Variants in TMEM253 observed in about 807,000 individuals in gnomAD.
TMEM253 encodes the protein transmembrane protein C14orf176.
In TMEM253, 22 loss-of-function variants were observed where a neutral mutation model predicts 20.3. That is an observed-to-expected ratio of 1.08 (90% CI 0.78 to 1.55). TMEM253 has a LOEUF of 1.55. Among genes scored for constraint, TMEM253 ranks in the 40% most tolerant of loss-of-function variants. The pLI, the probability that TMEM253 is intolerant of heterozygous loss-of-function variation, is 0.00. For synonymous variants in TMEM253, 92 were observed against 102.6 expected (o/e 0.90, Z 0.62); for missense variants, 251 against 266.1 (o/e 0.94, Z 0.39).
upstream of TMEM253, among the ~76,000 whole-genome samples, chr14:21,100,532 GAGAT>G (rs3062000): frequency 1.8e-4 from 27 of 150,224 alleles, no homozygotes; most frequent in Admixed American, 3.3e-4. Flanking sequence ...TGAGGACCAT[GAGAT>G]AGATAGATAG....
chr14:21,102,967 G>A (rs752466373), intron 6 of TMEM253, 172 bp from the exon 7 acceptor site: 9 of 1,351,320 alleles, frequency 6.7e-6, no homozygotes, highest in African/African-American at 1.5e-5. Context: ...AGGAAACTGG[G>A]AATCCAAATG....
At chr14:21,099,062 G>A (rs1254472462), upstream of TMEM253, 1 of 295,250 alleles carries the variant, frequency 3.4e-6, no homozygotes, top group African/African-American at 2.2e-5. Flanking sequence ...CATTCCTCAA[G>A]TCACTTTAAT....
intron 4 of TMEM253, 90 bp from the exon 5 acceptor site, chr14:21,102,315 C>A (rs753623333): frequency 2.2e-5 from 33 of 1,483,080 alleles, no homozygotes; most frequent in Non-Finnish European, 3.0e-5. Context: ...GAAGCAGAAG[C>A]TGAGTTTTGT....
rs1889598823 is a variant in TMEM253, at chr14:21,101,138, A to G, written c.-83A>G. 1.3e-5 allele frequency: 6 copies of G among 478,692 alleles called. No individual in the cohort carries two copies. In the South Asian group the frequency reaches 1.3e-4, roughly 10 times the overall value. The allele number at this position is 478,692 out of a possible 1,614,324, so 29.7% of individuals were successfully genotyped here. On this transcript the variant is annotated 5_prime_UTR_variant, in exon 1 of 7. Coordinates refer to ENST00000556585, the Ensembl canonical transcript of TMEM253. Reference sequence around the variant, plus strand: ...AGCTATCAAGCCCCTTAGGAGACCTAGGACCCAGCTGGGTCCCATCCCTTT... The same window carrying G: ...AGCTATCAAGCCCCTTAGGAGACCTGGGACCCAGCTGGGTCCCATCCCTTT...
At chr14:21,101,213 C>T in intron 1 of TMEM253, 29 bp downstream of exon 1, 2 of 825,998 alleles carry the variant, frequency 2.4e-6, no homozygotes, top group Non-Finnish European at 3.8e-6. Flanking sequence ...ACCTCAAATC[C>T]CTGGATATTG....
chr14:21,102,679 T>C, exon 6 of TMEM253: 1 of 1,551,558 alleles, frequency 6.4e-7, no homozygotes, highest in Non-Finnish European at 8.7e-7. Flanking sequence ...GCCTTCACCC[T>C]AGGGGGAGTG....
In TMEM253 at chr14:21,101,930, T is replaced by C. The variant is rs1005627159; in HGVS notation, c.174T>C (p.Ser58=). ...CTGTCTCAGTCGCCTGCCTGAACTCTGATTGTCACATGGCCACAGCGCTGC... is the reference window on the plus strand; with the variant it reads ...CTGTCTCAGTCGCCTGCCTGAACTCCGATTGTCACATGGCCACAGCGCTGC... Residue 58 remains serine, a synonymous_variant, in exon 3 of 7, where the codon TCT becomes TCC. Transcript: ENST00000556585. 7.7e-6 allele frequency: 12 copies of C among 1,551,548 alleles called. No individual in the cohort carries two copies. The African/African-American group carries it at 1.4e-4, about 18-fold the overall frequency.
At chr14:21,102,842 C>G in intron 6 of TMEM253, 63 bp downstream of exon 6, 1 of 1,523,002 alleles carries the variant, frequency 6.6e-7, no homozygotes, top group Non-Finnish European at 8.8e-7. Context: ...ACTGCCTATC[C>G]TGGTCAGTGG....
At chr14:21,103,156 A>G in exon 7 of TMEM253, 2 of 1,551,672 alleles carry the variant, frequency 1.3e-6, no homozygotes, top group Non-Finnish European at 1.7e-6. Context: ...CTGAGTTGGA[A>G]GAGGTTCCTG....
chr14:21,102,265 A>C (rs1025861656), intron 4 of TMEM253, 140 bp from the exon 5 acceptor site: 156 of 1,407,860 alleles, frequency 1.1e-4, no homozygotes, highest in Non-Finnish European at 1.5e-4. Flanking sequence ...GGAGGAAAGC[A>C]AAAAAGTTAA....
chr14:21,102,427 A>AC lies in TMEM253; in HGVS notation c.300dup (p.Thr101HisfsTer41). On this transcript the variant is annotated frameshift_variant, in exon 5 of 7. Transcript: ENST00000556585. LOFTEE classifies it high-confidence loss of function. ...CAGGTGCGGGCCATGATGATATTCAACACCTTCAACTTGATCTTGGGTTTC... is the reference window on the plus strand; with the variant it reads ...CAGGTGCGGGCCATGATGATATTCAACCACCTTCAACTTGATCTTGGGTTTC... The AC allele has an allele frequency of 2.6e-6, 4 of 1,551,580 alleles. No homozygotes were observed. Among genetic ancestry groups the AC allele is most frequent in the Non-Finnish European group, 3.5e-6 (4 of 1,146,960 alleles).
exon 7 of TMEM253, chr14:21,103,328 C>G: frequency 6.7e-7 from 1 of 1,500,244 alleles, no homozygotes; most frequent in South Asian, 1.3e-5. Context: ...TCCTTCGAGT[C>G]CAATAGGAAG....
At chr14:21,099,158 G>A, upstream of TMEM253, 2 of 200,088 alleles carry the variant, frequency 1.0e-5, no homozygotes, top group Non-Finnish European at 2.1e-5. Context: ...GAAAGAAGTG[G>A]TACCTTCCTT....
At chr14:21,102,836 C>A in intron 6 of TMEM253, 57 bp downstream of exon 6, 1 of 1,530,008 alleles carries the variant, frequency 6.5e-7, no homozygotes, top group South Asian at 1.2e-5. Context: ...TTTTCCACTG[C>A]CTATCCTGGT....
upstream of TMEM253, among the ~76,000 whole-genome samples, chr14:21,100,332 C>G (rs751440806): frequency 6.6e-6 from 1 of 152,044 alleles, no homozygotes; most frequent in Admixed American, 6.6e-5. Context: ...TGCCACTGCA[C>G]TCCAGCCTGG....
chr14:21,099,472 G>GTT (rs559591755), upstream of TMEM253, among the ~76,000 whole-genome samples: 4 of 152,072 alleles, frequency 2.6e-5, no homozygotes, highest in Non-Finnish European at 5.9e-5. Flanking sequence ...TCTTTAAAAC[G>GTT]TGACTCCCAC....
chr14:21,103,474 CCT>C, exon 7 of TMEM253: 2 of 670,816 alleles, frequency 3.0e-6, no homozygotes, highest in Middle Eastern at 4.3e-4. Flanking sequence ...GCATCCATAT[CCT>C]CTCTTCCTGT....
At chr14:21,102,582 AG>A in intron 5 of TMEM253, 50 bp from the exon 6 acceptor site, 1 of 1,551,106 alleles carries the variant, frequency 6.4e-7, no homozygotes, top group Non-Finnish European at 8.7e-7. Flanking sequence ...GGAAAAGGGC[AG>A]GGGCAAACAG....
At chr14:21,101,450 C>T (rs1381586181) in exon 2 of TMEM253, 57 of 1,551,274 alleles carry the variant, frequency 3.7e-5, no homozygotes, top group Non-Finnish European at 4.8e-5. Flanking sequence ...TTGGTGCTAG[C>T]GGTGAGGCCA....
Sources: gnomAD v4.1 joint callset for allele counts (sites outside exome capture counted in the v4.1 genomes callset) on GRCh38, gnomAD v4.1.1 for gene constraint, MANE v1.5 for transcripts, NCBI Gene and HGNC (gene_info 2026-07-23, HGNC 2026-07-21) for gene names.